Variants in SPATA6 observed in about 807,000 individuals in gnomAD.
The protein encoded by SPATA6 is spermatogenesis associated 6.
In SPATA6, 56 loss-of-function variants were observed where a neutral mutation model predicts 65.3. That is an observed-to-expected ratio of 0.86 (90% CI 0.69 to 1.07). The LOEUF is 1.07. SPATA6 is among the 50% of genes least tolerant of loss of function. The pLI is 0.00. For synonymous variants in SPATA6, 199 were observed against 213.2 expected, an observed-to-expected ratio of 0.93 and a Z score of 0.58; for missense variants, 590 against 594.8, an observed-to-expected ratio of 0.99 and a Z score of 0.08.
At chr1:48,261,911 A>G in the SPATA6 span, among the ~76,000 whole-genome samples, 10 of 152,106 alleles carry the variant, frequency 6.6e-5, no homozygotes, top group Admixed American at 1.3e-4. Context: ...ATCCTTTAGA[A>G]TCATGAAAAC....
At chr1:48,321,692 G>A (rs1377038415) in intron 11 of SPATA6, among the ~76,000 whole-genome samples, 2 of 152,064 alleles carry the variant, frequency 1.3e-5, no homozygotes, top group Non-Finnish European at 2.9e-5. Flanking sequence ...TTACAGAACA[G>A]TTCATCTAAG....
At chr1:48,364,646 G>C (rs1045394291) in intron 9 of SPATA6, among the ~76,000 whole-genome samples, 1 of 151,730 alleles carries the variant, frequency 6.6e-6, no homozygotes, top group African/African-American at 2.4e-5. Flanking sequence ...TTTTGATGGG[G>C]TTGTTTTTTT....
chr1:48,308,974 C>A (rs1316660973), intron 11 of SPATA6, among the ~76,000 whole-genome samples: 1 of 152,122 alleles, frequency 6.6e-6, no homozygotes, highest in Non-Finnish European at 1.5e-5. Flanking sequence ...TAGCCTTGAA[C>A]TCCTGGGCTC....
chr1:48,401,199 G>A (rs576064159), intron 6 of SPATA6, among the ~76,000 whole-genome samples: 1 of 151,922 alleles, frequency 6.6e-6, no homozygotes, highest in East Asian at 1.9e-4. Flanking sequence ...CTTCCCCCAA[G>A]TTCTTTACAC....
chr1:48,455,833 G>C (rs760505972), intron 1 of SPATA6, among the ~76,000 whole-genome samples: 1 of 152,088 alleles, frequency 6.6e-6, no homozygotes, highest in Non-Finnish European at 1.5e-5. Flanking sequence ...ACATATGCAA[G>C]AAGGCATTGT....
intron 3 of SPATA6, among the ~76,000 whole-genome samples, chr1:48,435,150 C>T (rs1464370548): frequency 6.6e-6 from 1 of 152,128 alleles, no homozygotes; most frequent in Non-Finnish European, 1.5e-5. Flanking sequence ...ACTAATAATA[C>T]ATCACCAATA....
chr1:48,436,504 T>C (rs866959177), intron 3 of SPATA6: 22 of 1,611,288 alleles, frequency 1.4e-5, no homozygotes, highest in Middle Eastern at 2.2e-4. Flanking sequence ...CCAAAATGGC[T>C]GTATTCACAG....
In SPATA6 at chr1:48,331,457, C is replaced by G. The variant is rs1486064268; in HGVS notation, c.1194+24213G>C. Among the ~76,000 whole-genome samples, 5 of 150,484 alleles carry G rather than the reference C, an allele frequency of 3.3e-5. No homozygotes were observed. The East Asian group carries it at 7.8e-4, about 23-fold the overall frequency. ...TCACAAGTATTAACAGCAGACCAAG[C>G]TGATGAAAGAATCTAAGGGCTTGAA... On this transcript the variant is annotated intron_variant, in intron 11 of 12. Coordinates refer to ENST00000371847, the MANE Select transcript of SPATA6 (RefSeq NM_019073.4).
the SPATA6 span, among the ~76,000 whole-genome samples, chr1:48,267,427 C>T: frequency 2.6e-5 from 4 of 152,216 alleles, no homozygotes; most frequent in African/African-American, 9.6e-5. Context: ...CTGGAAAAAT[C>T]GAATCACACG....
intron 11 of SPATA6, among the ~76,000 whole-genome samples, chr1:48,337,073 A>G (rs1557581255): frequency 6.6e-6 from 1 of 151,954 alleles, no homozygotes; most frequent in African/African-American, 2.4e-5. Flanking sequence ...GTCAGCCAAA[A>G]TCTGAGGAGA....
intron 12 of SPATA6, among the ~76,000 whole-genome samples, chr1:48,305,427 A>T (rs4926520): frequency 0.98 from 148,806 of 152,232 alleles, 72,816 homozygotes; most frequent in East Asian, 1. Flanking sequence ...TCCTCAAATT[A>T]TAGGCGAGAA....
At chr1:48,278,757 T>A in the SPATA6 span, among the ~76,000 whole-genome samples, 3 of 152,170 alleles carry the variant, frequency 2.0e-5, no homozygotes, top group Non-Finnish European at 2.9e-5. Context: ...GAAAACACTC[T>A]GCAGGATATT....
At chr1:48,412,551 T>C (rs943267326) in intron 4 of SPATA6, among the ~76,000 whole-genome samples, 13 of 152,246 alleles carry the variant, frequency 8.5e-5, no homozygotes, top group Non-Finnish European at 1.5e-4. Context: ...TTTGGTCTAC[T>C]GACATTTTAC....
intron 9 of SPATA6, among the ~76,000 whole-genome samples, chr1:48,360,056 G>C (rs1646767475): frequency 6.6e-6 from 1 of 152,092 alleles, no homozygotes. Context: ...ATAGGGATGT[G>C]TGTATCTAAA....
At chr1:48,411,299 A>C (rs2147980077) in intron 5 of SPATA6, among the ~76,000 whole-genome samples, 165 bp downstream of exon 5, 1 of 152,342 alleles carries the variant, frequency 6.6e-6, no homozygotes, top group South Asian at 2.1e-4. Flanking sequence ...ATGTTTAAGT[A>C]ACATATTGAA....
chr1:48,305,756 TGAG>T, intron 12 of SPATA6, 28 bp downstream of exon 12: 4 of 1,487,126 alleles, frequency 2.7e-6, no homozygotes, highest in Non-Finnish European at 1.8e-6. Flanking sequence ...ATCAGAACTA[TGAG>T]AAGGATATAC....
intron 8 of SPATA6, among the ~76,000 whole-genome samples, chr1:48,386,636 G>A (rs1649499995): frequency 6.6e-6 from 1 of 152,182 alleles, no homozygotes; most frequent in South Asian, 2.1e-4. Flanking sequence ...TACACAGAAA[G>A]GGTAAGTGAG....
chr1:48,471,781 G>C (rs1223107997), intron 1 of SPATA6, among the ~76,000 whole-genome samples, 177 bp downstream of exon 1: 2 of 152,196 alleles, frequency 1.3e-5, no homozygotes, highest in South Asian at 2.1e-4. Context: ...TGCGTGGCCG[G>C]AGTGGGAGAG....
intron 9 of SPATA6, among the ~76,000 whole-genome samples, chr1:48,361,055 T>C (rs1249569203): frequency 1.3e-5 from 2 of 152,314 alleles, no homozygotes; most frequent in East Asian, 1.9e-4. Flanking sequence ...TCATTCAATA[T>C]ATTACAGCAG....
Sources: allele counts gnomAD v4.1 joint callset (sites outside exome capture counted in the v4.1 genomes callset), GRCh38; gene constraint gnomAD v4.1.1; transcripts MANE v1.5; gene names NCBI Gene and HGNC (gene_info 2026-07-23, HGNC 2026-07-21).